The following YAP1 variants were observed in gnomAD, a reference collection of about 807,000 sequenced individuals.
YAP1 encodes the protein transcriptional coactivator YAP1.
A neutral mutation model predicts 56.9 loss-of-function variants in YAP1; 5 were observed. The observed-to-expected ratio is 0.09, with a 90% CI of 0.05 to 0.18. The LOEUF (loss-of-function observed/expected upper bound fraction) is 0.18. Ranked by LOEUF, YAP1 falls within the 10% of genes least tolerant of loss-of-function variation. The probability of loss-of-function intolerance (pLI) is 1.00; values close to 1 mark genes in which losing one functional copy is unlikely to be tolerated. For missense variants in YAP1, 539 were observed against 651.8 expected (o/e 0.83, Z 1.88); for synonymous variants, 265 against 248.1 (o/e 1.07, Z -0.64).
At chr11:102,143,833 CAGT>C (rs1436086859) in intron 2 of YAP1, among the ~76,000 whole-genome samples, 1 of 152,214 alleles carries the variant, frequency 6.6e-6, no homozygotes, top group Non-Finnish European at 1.5e-5. Context: ...ACTGTGAAAA[CAGT>C]AGCAAATTCA....
At position 102,111,081 on chromosome 11, in the gene YAP1, C is replaced by A; in HGVS notation, c.233C>A (p.Ala78Asp). 1 of 1,613,392 alleles carries A rather than the reference C, an allele frequency of 6.2e-7. No homozygotes were observed. Among genetic ancestry groups the A allele is most frequent in the Non-Finnish European group, 8.5e-7 (1 of 1,179,844 alleles). Residue 78 changes from alanine (A) to aspartate (D), a missense_variant, in exon 1 of 9, where the codon GCC (alanine) becomes GAC (aspartate). Coordinates refer to ENST00000282441, the MANE Select transcript of YAP1 (RefSeq NM_001130145.3). ...AACGCCGTCATGAACCCCAAGACGGCCAACGTGCCCCAGACCGTGCCCATG... is the reference window on the plus strand; with the variant it reads ...AACGCCGTCATGAACCCCAAGACGGACAACGTGCCCCAGACCGTGCCCATG... ...LFNAVMNPKT[A>D]NVPQTVPMRL...
chr11:102,181,692 T>C (rs1414297136), intron 3 of YAP1, among the ~76,000 whole-genome samples: 1 of 152,236 alleles, frequency 6.6e-6, no homozygotes, highest in African/African-American at 2.4e-5. Flanking sequence ...GACTGTGTAC[T>C]ATTCCCAGAC....
chr11:102,122,918 C>CAAAAAAAAAAAAAAAAAAAAAA (rs1412213138), intron 2 of YAP1, among the ~76,000 whole-genome samples: 1 of 85,116 alleles, frequency 1.2e-5, no homozygotes, highest in Non-Finnish European at 2.5e-5. Context: ...AAAAAAAAAG[C>CAAAAAAAAAAAAAAAAAAAAAA]AAAGAAAAGA....
chr11:102,184,929 C>T (rs1287872703), intron 3 of YAP1, among the ~76,000 whole-genome samples: 2 of 152,172 alleles, frequency 1.3e-5, no homozygotes, highest in East Asian at 3.8e-4. Flanking sequence ...GCACTTTGTG[C>T]CTCAGTTTCC....
chr11:102,197,191 C>G (rs899162742), intron 4 of YAP1, among the ~76,000 whole-genome samples: 6 of 152,106 alleles, frequency 3.9e-5, no homozygotes, highest in African/African-American at 1.2e-4. Context: ...AATATTTCTT[C>G]TAAATGTTTT....
rs145216510 is a variant in YAP1 at position 102,138,179 on chromosome 11, C to A, written c.572+23785C>A. Among the ~76,000 whole-genome samples the A allele has an allele frequency of 1.5e-3, 224 of 152,330 alleles. 1 individual carries two copies. Among genetic ancestry groups the A allele is most frequent in the African/African-American group, 5.1e-3 (212 of 41,578 alleles). On this transcript the variant is annotated intron_variant, in intron 2 of 8. Coordinates refer to ENST00000282441, the MANE Select transcript of YAP1 (RefSeq NM_001130145.3). ...GAATTATAGGCATGAGCCACTGTGC[C>A]CAGCTGATAGGGAACTAAGTTCTTT...
chr11:102,155,464 C>T (rs1163725528), intron 2 of YAP1, among the ~76,000 whole-genome samples: 1 of 152,134 alleles, frequency 6.6e-6, no homozygotes, highest in African/African-American at 2.4e-5. Context: ...TGAAGACATT[C>T]TGTAGTGTTA....
intron 3 of YAP1, among the ~76,000 whole-genome samples, chr11:102,166,157 T>C (rs73582024): frequency 0.018 from 2,718 of 152,306 alleles, 93 homozygotes; most frequent in African/African-American, 0.062. Flanking sequence ...TGAAGTGTTA[T>C]CTTAAATATA....
In YAP1 at chr11:102,114,124, A is replaced by C; in HGVS notation, c.322-20A>C. ...TGTGTTTTTTCTTTTTTAATTTTTC[A>C]TCTTAATATTCCCTAATAGGCCAGT... On this transcript the variant is annotated intron_variant, in intron 1 of 8. Transcript: ENST00000282441. 6.4e-7 allele frequency: 1 copy of C among 1,550,402 alleles called. No individual in the cohort carries two copies. Among genetic ancestry groups the C allele is most frequent in the Non-Finnish European group, 8.8e-7 (1 of 1,142,344 alleles).
intron 7 of YAP1, among the ~76,000 whole-genome samples, chr11:102,225,912 T>G (rs1427124159): frequency 6.6e-6 from 1 of 152,218 alleles, no homozygotes; most frequent in Non-Finnish European, 1.5e-5. Flanking sequence ...AGTGAATGTT[T>G]ACTGAATGAG....
intron 1 of YAP1, chr11:102,112,647 G>GA (rs771984890): frequency 1.5e-4 from 143 of 985,166 alleles, no homozygotes; most frequent in Middle Eastern, 1.0e-3. Flanking sequence ...TTGGAACTCA[G>GA]AAAAAATCAC....
At chr11:102,150,784 A>G (rs1661987354) in intron 2 of YAP1, among the ~76,000 whole-genome samples, 1 of 151,392 alleles carries the variant, frequency 6.6e-6, no homozygotes, top group African/African-American at 2.4e-5. Context: ...TTTTTCAGTG[A>G]AAACATACAT....
chr11:102,144,371 T>G (rs948114240), intron 2 of YAP1, among the ~76,000 whole-genome samples: 3 of 152,220 alleles, frequency 2.0e-5, no homozygotes, highest in Admixed American at 6.5e-5. Context: ...GAAAAAAATT[T>G]ATGTAAAGAA....
chr11:102,123,647 T>TTTTTTTTTTC (rs1565429582), intron 2 of YAP1, among the ~76,000 whole-genome samples: 80 of 125,268 alleles, frequency 6.4e-4, no homozygotes, highest in Non-Finnish European at 8.4e-4. Context: ...TTTTTTTTTC[T>TTTTTTTTTTC]TTTTTTTTTC....
At chr11:102,173,768 T>C (rs973678866) in intron 3 of YAP1, among the ~76,000 whole-genome samples, 4 of 152,224 alleles carry the variant, frequency 2.6e-5, no homozygotes, top group Non-Finnish European at 5.9e-5. Context: ...TAAACTATAC[T>C]GTCTTTCTGG....
intron 5 of YAP1, among the ~76,000 whole-genome samples, chr11:102,207,414 A>T (rs560352723): frequency 6.6e-6 from 1 of 152,054 alleles, no homozygotes; most frequent in Non-Finnish European, 1.5e-5. Flanking sequence ...ATACTCGGCC[A>T]GGCATGGTGG....
At chr11:102,192,917 A>G (rs1014670307) in intron 4 of YAP1, among the ~76,000 whole-genome samples, 1 of 152,212 alleles carries the variant, frequency 6.6e-6, no homozygotes, top group Non-Finnish European at 1.5e-5. Context: ...CCAGGCAAAC[A>G]AATCTGATGG....
At chr11:102,147,034 T>G (rs1361044559) in intron 2 of YAP1, among the ~76,000 whole-genome samples, 1 of 152,214 alleles carries the variant, frequency 6.6e-6, no homozygotes, top group East Asian at 1.9e-4. Context: ...CTGGAGTAAC[T>G]CAGTGAGTCT....
intron 2 of YAP1, among the ~76,000 whole-genome samples, chr11:102,150,634 A>G (rs545920558): frequency 1.3e-5 from 2 of 152,236 alleles, no homozygotes; most frequent in African/African-American, 2.4e-5. Flanking sequence ...TGTCTATAGC[A>G]TTGTGTATGG....
Sources: allele counts gnomAD v4.1 joint callset (sites outside exome capture counted in the v4.1 genomes callset), GRCh38; gene constraint gnomAD v4.1.1; transcripts MANE v1.5; gene names NCBI Gene and HGNC (gene_info 2026-07-23, HGNC 2026-07-21).